The following ERBB4 variants were observed in gnomAD, a reference collection of about 807,000 sequenced individuals.
ERBB4 encodes the protein receptor tyrosine-protein kinase erbB-4.
ERBB4 carries 42 observed loss-of-function variants against 158.0 expected under a neutral mutation model. The observed-to-expected ratio is 0.27, with a 90% CI of 0.21 to 0.34. The LOEUF is 0.34. Among genes scored for constraint, ERBB4 ranks in the 10% least tolerant of loss-of-function variants. The pLI is 1.00. For missense variants in ERBB4, 1,333 were observed against 1,624.1 expected, an observed-to-expected ratio of 0.82 and a Z score of 3.08; for synonymous variants, 583 against 558.7, an observed-to-expected ratio of 1.04 and a Z score of -0.61.
chr2:211,571,591 A>C (rs1243898709), intron 19 of ERBB4, among the ~76,000 whole-genome samples: 3 of 152,190 alleles, frequency 2.0e-5, no homozygotes, highest in Non-Finnish European at 4.4e-5. Flanking sequence ...TAATATAACT[A>C]TACAAAACCA....
intron 1 of ERBB4, among the ~76,000 whole-genome samples, chr2:212,321,476 C>A (rs534393230): frequency 2.7e-5 from 4 of 150,374 alleles, no homozygotes; most frequent in Non-Finnish European, 6.0e-5. Flanking sequence ...ATTTTGGGAT[C>A]CCAAGAGTTC....
intron 20 of ERBB4, chr2:211,535,627 G>A (rs1441407345): frequency 6.7e-6 from 1 of 148,180 alleles, no homozygotes; most frequent in African/African-American, 2.6e-5. Context: ...ATGCACATGT[G>A]TTGTGTATAG....
At chr2:212,369,473 T>G (rs1252057648) in intron 1 of ERBB4, among the ~76,000 whole-genome samples, 13 of 151,736 alleles carry the variant, frequency 8.6e-5, no homozygotes, top group Admixed American at 7.9e-4. Context: ...CTGTCCAAAA[T>G]TAATAATTCC....
chr2:212,107,347 G>A (rs1559509739), intron 2 of ERBB4, among the ~76,000 whole-genome samples: 1 of 152,120 alleles, frequency 6.6e-6, no homozygotes, highest in Admixed American at 6.5e-5. Flanking sequence ...TGGTTGCCCT[G>A]CTGGATTTTG....
intron 1 of ERBB4, 81 bp from the exon 2 acceptor site, chr2:212,124,984 C>G: frequency 6.6e-7 from 1 of 1,504,064 alleles, no homozygotes. Context: ...TCAAAACTCT[C>G]TATTCCACAA....
At chr2:211,460,662 C>A (rs980646081) in intron 20 of ERBB4, among the ~76,000 whole-genome samples, 16 of 152,034 alleles carry the variant, frequency 1.1e-4, no homozygotes, top group Non-Finnish European at 2.1e-4. Context: ...TGTATTTCAA[C>A]TTGCCATGTT....
chr2:212,154,711 T>A (rs902846425), intron 1 of ERBB4, among the ~76,000 whole-genome samples: 3 of 151,650 alleles, frequency 2.0e-5, no homozygotes, highest in African/African-American at 7.3e-5. Context: ...TGCCTTTATT[T>A]CTTTTTTTAA....
chr2:211,462,892 T>C (rs770483296), intron 20 of ERBB4, among the ~76,000 whole-genome samples: 1 of 152,328 alleles, frequency 6.6e-6, no homozygotes, highest in Non-Finnish European at 1.5e-5. Context: ...CTATACTTTA[T>C]AGTTTCTCTT....
chr2:211,430,909 A>T lies in ERBB4; in HGVS notation c.2643+36T>A, dbSNP rs535027190. ...AGGAGATAAAAGGATATTATACTAT[A>T]TTTTCAAGCAAGATTGCTCTCAAAA... On this transcript the variant is annotated intron_variant, in intron 21 of 27. Transcript: ENST00000342788. The T allele has an allele frequency of 3.2e-6, 5 of 1,548,244 alleles. No individual in the cohort carries two copies. In the South Asian group the frequency reaches 5.6e-5, roughly 17 times the overall value.
At chr2:212,323,261 C>A (rs1002879849) in intron 1 of ERBB4, among the ~76,000 whole-genome samples, 2 of 150,522 alleles carry the variant, frequency 1.3e-5, no homozygotes, top group African/African-American at 4.8e-5. Flanking sequence ...AATTTTTAAT[C>A]AGGCCTTTAT....
At position 211,947,419 on chromosome 2, in the gene ERBB4, A is replaced by G; in HGVS notation, c.421+11T>C. ...TGAAAGCATATTTGCCATTTTGGAT[A>G]TATTCCTTACCTGTCAAGTTCTTTA... On this transcript the variant is annotated intron_variant, in intron 3 of 27. Coordinates refer to ENST00000342788, the MANE Select transcript of ERBB4 (RefSeq NM_005235.3). The G allele has an allele frequency of 1.9e-6, 3 of 1,608,892 alleles. No individual in the cohort carries two copies. The highest frequency in any genetic ancestry group is 2.2e-5 in the South Asian group (2 of 90,930).
At chr2:211,440,049 A>G (rs2063939294) in intron 20 of ERBB4, among the ~76,000 whole-genome samples, 1 of 152,234 alleles carries the variant, frequency 6.6e-6, no homozygotes, top group East Asian at 1.9e-4. Context: ...AAACCAAAAA[A>G]TAAATAAATG....
intron 20 of ERBB4, among the ~76,000 whole-genome samples, chr2:211,498,793 G>C (rs924683793): frequency 2.0e-5 from 3 of 152,158 alleles, no homozygotes; most frequent in African/African-American, 7.2e-5. Context: ...TGAAGGCTGA[G>C]AGACAGAAGC....
At position 211,736,600 on chromosome 2, in the gene ERBB4, C is replaced by T. The variant is rs2074609915; in HGVS notation, c.623-11406G>A. On this transcript the variant is annotated intron_variant, in intron 5 of 27. Coordinates refer to ENST00000342788, the MANE Select transcript of ERBB4 (RefSeq NM_005235.3). ...TTCTAATGAATTCAGGAATTTAGAG[C>T]CACTGGTGATAAAATTTCCCTTTTC... is the stretch of plus-strand genomic sequence containing the variant. Among the ~76,000 whole-genome samples the T allele has an allele frequency of 2.0e-5, 3 of 152,208 alleles. No homozygotes were observed. The South Asian group carries it at 6.2e-4, about 32-fold the overall frequency.
At chr2:212,469,914 A>T (rs10194811) in intron 1 of ERBB4, among the ~76,000 whole-genome samples, 46,753 of 151,890 alleles carry the variant, frequency 0.31, 8,258 homozygotes, top group Non-Finnish European at 0.4. Flanking sequence ...AACATCAGTT[A>T]TCTTTAGCTC....
chr2:212,404,770 T>C (rs964628121), intron 1 of ERBB4, among the ~76,000 whole-genome samples: 6 of 151,956 alleles, frequency 3.9e-5, no homozygotes, highest in Non-Finnish European at 8.8e-5. Flanking sequence ...CAGTACCTAA[T>C]AGTTATCTTT....
chr2:211,531,414 C>T (rs1165260011), intron 20 of ERBB4, among the ~76,000 whole-genome samples: 2 of 151,904 alleles, frequency 1.3e-5, no homozygotes, highest in Non-Finnish European at 2.9e-5. Context: ...GCAAACTATC[C>T]ATCTGACAAG....
rs570577491 is a variant in ERBB4, at chr2:212,206,639, T to C, written c.83-81736A>G. ...GTCTCGCTCTTTTGCCCAGGCCAAC[T>C]GCAGTGGTGCTATCTCGGCTCACTG... is the stretch of plus-strand genomic sequence containing the variant. On this transcript the variant is annotated intron_variant, in intron 1 of 27. Transcript: ENST00000342788. Among the ~76,000 whole-genome samples the C allele has an allele frequency of 2.7e-5, 4 of 145,924 alleles. No homozygotes were observed. The South Asian group carries it at 6.5e-4, about 24-fold the overall frequency.
Position 212,171,715 on chromosome 2 carries a change from T to G in ERBB4, c.83-46812A>C, listed in dbSNP as rs191931445. 3.4e-3 allele frequency among the ~76,000 whole-genome samples: 512 copies of G among 152,284 alleles called. 13 individuals are homozygous for G. Among genetic ancestry groups the G allele is most frequent in the Admixed American group, 0.032 (487 of 15,282 alleles). On this transcript the variant is annotated intron_variant, in intron 1 of 27. Transcript: ENST00000342788. ...TGGTTACTCCTTTACATAGTTCTCTTGCCTGCTGCCACGTAAGACACGCCT... is the reference window on the plus strand; with the variant it reads ...TGGTTACTCCTTTACATAGTTCTCTGGCCTGCTGCCACGTAAGACACGCCT...
Sources: gnomAD v4.1 joint callset for allele counts (sites outside exome capture counted in the v4.1 genomes callset) on GRCh38, gnomAD v4.1.1 for gene constraint, MANE v1.5 for transcripts, NCBI Gene and HGNC (gene_info 2026-07-23, HGNC 2026-07-21) for gene names.